FHOD3: variants seen among roughly 807,000 people sequenced by gnomAD.
FHOD3 encodes FH1/FH2 domain-containing protein 3.
A neutral mutation model predicts 173.0 loss-of-function variants in FHOD3; 90 were observed. The observed-to-expected ratio is 0.52, with a 90% CI of 0.44 to 0.62. The LOEUF (loss-of-function observed/expected upper bound fraction) is 0.62, where lower values mean the gene tolerates loss of function less well. FHOD3 is among the 20% of genes least tolerant of loss of function. FHOD3 has a pLI of 0.00. For missense variants in FHOD3, 1,945 were observed against 2,034.7 expected (o/e 0.96, Z 0.85); for synonymous variants, 828 against 823.0 (o/e 1.01, Z -0.10).
intron 2 of FHOD3, among the ~76,000 whole-genome samples, chr18:36,357,082 T>C: frequency 6.6e-6 from 1 of 152,232 alleles, no homozygotes; most frequent in Non-Finnish European, 1.5e-5. Context: ...TGAAACCACT[T>C]TGCCCGAGTT....
intron 19 of FHOD3, among the ~76,000 whole-genome samples, chr18:36,729,970 C>G (rs942933933): frequency 6.6e-5 from 10 of 152,164 alleles, no homozygotes; most frequent in Admixed American, 5.9e-4. Context: ...CCTTCTAGGC[C>G]TCTAAGCTGG....
chr18:36,653,346 T>C lies in FHOD3; in HGVS notation c.1651T>C (p.Ser551Pro), dbSNP rs1396243496. 8 of 1,534,584 alleles carry C rather than the reference T, an allele frequency of 5.2e-6. No homozygotes were observed. The highest frequency in any genetic ancestry group is 7.0e-6 in the Non-Finnish European group (8 of 1,146,276). Reference sequence around the variant, plus strand: ...GGGCTTTTCTTCCTTTGACAGTTCCTCTGATTCTTTCTCTTTGAGCACATA... The same window carrying C: ...GGGCTTTTCTTCCTTTGACAGTTCCCCTGATTCTTTCTCTTTGAGCACATA... Reference protein sequence around the residue: ...EAESQKENSSSDSFSLSTYSA... With the variant: ...EAESQKENSSPDSFSLSTYSA... Residue 551 changes from serine (S) to proline (P), a missense_variant, in exon 13 of 29, where the codon TCT becomes CCT. Physicochemically the swap from Ser to Pro is moderately conservative, Grantham distance 74. This residue lies in a region of FHOD3 where 1,099 missense variants were observed against 1,051.2 expected (regional missense o/e 1.05). Transcript: ENST00000590592.
intron 3 of FHOD3, among the ~76,000 whole-genome samples, chr18:36,380,027 C>A (rs938230936): frequency 6.6e-6 from 1 of 152,098 alleles, no homozygotes; most frequent in Non-Finnish European, 1.5e-5. Context: ...CTCAACATTT[C>A]TGTTGTATTA....
intron 18 of FHOD3, chr18:36,710,163 T>C (rs1197565244): frequency 6.6e-6 from 1 of 152,150 alleles, no homozygotes; most frequent in African/African-American, 2.4e-5. Context: ...TTGAGAAGGG[T>C]GCCACAGAGG....
At chr18:36,649,197 T>C in intron 10 of FHOD3, 119 bp from the exon 11 acceptor site, 1 of 631,756 alleles carries the variant, frequency 1.6e-6, no homozygotes, top group Non-Finnish European at 2.6e-6. Flanking sequence ...TTTTTAATTA[T>C]TATTATTTCG....
chr18:36,618,221 T>G (rs1049071660), intron 9 of FHOD3, among the ~76,000 whole-genome samples: 28 of 151,984 alleles, frequency 1.8e-4, no homozygotes, highest in African/African-American at 6.8e-4. Flanking sequence ...TTTTTCTGGA[T>G]TTTTGAGTTG....
At chr18:36,523,934 T>C (rs2056393348) in intron 5 of FHOD3, among the ~76,000 whole-genome samples, 1 of 152,174 alleles carries the variant, frequency 6.6e-6, no homozygotes, top group Admixed American at 6.5e-5. Flanking sequence ...TTACATGACA[T>C]AGACCCCAGC....
chr18:36,582,078 A>G (rs1319520565), intron 6 of FHOD3, among the ~76,000 whole-genome samples: 2 of 152,238 alleles, frequency 1.3e-5, no homozygotes, highest in Non-Finnish European at 2.9e-5. Context: ...TGGCAGTGCC[A>G]ATGGCAGTAG....
At chr18:36,478,274 T>C (rs771717159) in intron 3 of FHOD3, among the ~76,000 whole-genome samples, 7 of 152,198 alleles carry the variant, frequency 4.6e-5, no homozygotes, top group South Asian at 2.1e-4. Context: ...GTAGCACTTT[T>C]AAAATAATTT....
chr18:36,710,236 T>C (rs555767594), intron 18 of FHOD3: 1 of 152,350 alleles, frequency 6.6e-6, no homozygotes, highest in African/African-American at 2.4e-5. Flanking sequence ...TTCCTACCCA[T>C]GACTTGTGTG....
intron 10 of FHOD3, among the ~76,000 whole-genome samples, chr18:36,636,728 C>T (rs2034915510): frequency 6.6e-6 from 1 of 151,106 alleles, no homozygotes; most frequent in Non-Finnish European, 1.5e-5. Flanking sequence ...TAGAGATGAG[C>T]CCTCATAAGG....
chr18:36,599,582 T>G (rs2031049918), intron 7 of FHOD3, among the ~76,000 whole-genome samples: 1 of 152,234 alleles, frequency 6.6e-6, no homozygotes. Flanking sequence ...GAGGAGCTTC[T>G]GTTTTCGTGT....
chr18:36,376,144 C>A (rs2047430752), intron 3 of FHOD3, among the ~76,000 whole-genome samples: 2 of 152,178 alleles, frequency 1.3e-5, no homozygotes, highest in South Asian at 4.2e-4. Flanking sequence ...GCTCTGATAA[C>A]TAAATCTCAT....
intron 6 of FHOD3, among the ~76,000 whole-genome samples, chr18:36,591,266 G>T (rs556552956): frequency 7.9e-5 from 12 of 152,314 alleles, no homozygotes; most frequent in African/African-American, 2.6e-4. Context: ...TCTCCGAAGA[G>T]TTCCCAGCAC....
At chr18:36,744,229 C>A in intron 23 of FHOD3, 36 bp downstream of exon 23, 3 of 1,582,428 alleles carry the variant, frequency 1.9e-6, no homozygotes, top group South Asian at 1.1e-5. Flanking sequence ...GGCCTGGTCT[C>A]GCTGCAGCCA....
At chr18:36,598,996 C>T (rs1568476431) in intron 7 of FHOD3, among the ~76,000 whole-genome samples, 2 of 152,190 alleles carry the variant, frequency 1.3e-5, no homozygotes, top group Non-Finnish European at 2.9e-5. Flanking sequence ...TTTGCTTGCA[C>T]CTTGAAGTCA....
chr18:36,612,084 A>G lies in FHOD3; in HGVS notation c.946A>G (p.Asn316Asp). The G allele has an allele frequency of 6.2e-7, 1 of 1,613,878 alleles. No homozygotes were observed. Among genetic ancestry groups the G allele is most frequent in the Non-Finnish European group, 8.5e-7 (1 of 1,179,914 alleles). ...TGACCTGGACTTAGTGGAGCAACTC[A>G]ACATTTATGAGGTACCAGACCATGC... ...GTDLDLVEQLNIYEVALRHED... is the reference protein window; with the variant it reads ...GTDLDLVEQLDIYEVALRHED... Residue 316 changes from asparagine to aspartate, a missense_variant, in exon 9 of 29, where the codon AAC (asparagine) becomes GAC (aspartate). Physicochemically the swap from Asn to Asp is conservative, Grantham distance 23 (BLOSUM62 1). This residue lies in a region of FHOD3 where 1,099 missense variants were observed against 1,051.2 expected (regional missense o/e 1.05). Transcript: ENST00000590592.
intron 1 of FHOD3, among the ~76,000 whole-genome samples, chr18:36,342,214 C>T (rs2045658985): frequency 6.6e-6 from 1 of 151,754 alleles, no homozygotes; most frequent in South Asian, 2.1e-4. Context: ...CAGAAAGGAG[C>T]ATAAGAAGCA....
intron 1 of FHOD3, among the ~76,000 whole-genome samples, chr18:36,324,364 AT>A (rs1397357029): frequency 6.6e-6 from 1 of 152,232 alleles, no homozygotes. Context: ...CCATAAAGGA[AT>A]AAATAAGATC....
Sources: gnomAD v4.1 joint callset for allele counts (sites outside exome capture counted in the v4.1 genomes callset) on GRCh38, gnomAD v4.1.1 for gene constraint, gnomAD v4.1.1 regional missense constraint, MANE v1.5 for transcripts, NCBI Gene and HGNC (gene_info 2026-07-23, HGNC 2026-07-21) for gene names.